The following PDE1C variants were observed in gnomAD, a reference collection of about 807,000 sequenced individuals.
PDE1C encodes the protein dual specificity calcium/calmodulin-dependent 3',5'-cyclic nucleotide phosphodiesterase 1C.
A neutral mutation model predicts 93.1 loss-of-function variants in PDE1C; 62 were observed. That is an observed-to-expected ratio of 0.67 (90% CI 0.54 to 0.82). The LOEUF is 0.82. Ranked by LOEUF, PDE1C falls within the 40% of genes least tolerant of loss-of-function variation. PDE1C has a pLI of 0.00. For synonymous variants in PDE1C, 325 were observed against 310.1 expected (o/e 1.05, Z -0.50); for missense variants, 742 against 884.6 (o/e 0.84, Z 2.04).
chr7:31,853,041 T>A lies in PDE1C; in HGVS notation c.751-2300A>T, dbSNP rs1793541217. 2.0e-5 allele frequency among the ~76,000 whole-genome samples: 3 copies of A among 151,560 alleles called. No homozygotes were observed. In the South Asian group the frequency reaches 6.2e-4, roughly 32 times the overall value. On this transcript the variant is annotated intron_variant, in intron 7 of 17. Coordinates refer to ENST00000396191, the MANE Select transcript of PDE1C (RefSeq NM_001191057.4). ...AGTGTAACATCTCAACGAATCCTAG[T>A]CACAGAACATCAGCCCAGGCAGCAG...
chr7:32,051,466 T>G, intron 2 of PDE1C, 88 bp downstream of exon 2: 2 of 1,237,146 alleles, frequency 1.6e-6, no homozygotes, highest in South Asian at 1.2e-5. Flanking sequence ...AGCCTGTTTA[T>G]TACAGTTCCA....
chr7:32,414,830 TAA>T (rs11438774), intron 1 of PDE1C, among the ~76,000 whole-genome samples: 2 of 138,792 alleles, frequency 1.4e-5, no homozygotes, highest in Admixed American at 7.0e-5. Context: ...ATGCCAATGA[TAA>T]AAAAAAAAAA....
At chr7:31,800,956 A>C (rs149968194) in intron 16 of PDE1C, among the ~76,000 whole-genome samples, 2,954 of 151,252 alleles carry the variant, frequency 0.02, 93 homozygotes, top group African/African-American at 0.067. Flanking sequence ...GCTGAATGTG[A>C]ATGAAAATGC....
chr7:32,405,667 C>A (rs917376286), intron 1 of PDE1C, among the ~76,000 whole-genome samples: 1 of 152,166 alleles, frequency 6.6e-6, no homozygotes, highest in African/African-American at 2.4e-5. Flanking sequence ...GAGGCTGAGG[C>A]CTTGTGTCCT....
At chr7:31,657,746 T>C in the PDE1C span, among the ~76,000 whole-genome samples, 2 of 152,174 alleles carry the variant, frequency 1.3e-5, no homozygotes, top group Non-Finnish European at 2.9e-5. Context: ...AGATCACATA[T>C]TTGAAAATAA....
chr7:32,072,685 T>G (rs1380810650), upstream of PDE1C, among the ~76,000 whole-genome samples: 1 of 152,238 alleles, frequency 6.6e-6, no homozygotes, highest in East Asian at 1.9e-4. Context: ...TCTACTCTCA[T>G]GTAATACTCG....
intron 1 of PDE1C, among the ~76,000 whole-genome samples, chr7:32,357,647 C>T (rs1362781908): frequency 1.3e-5 from 2 of 152,288 alleles, no homozygotes; most frequent in East Asian, 3.9e-4. Flanking sequence ...CCCTCAAACT[C>T]ACTGTAACAA....
chr7:32,135,535 TA>T (rs1340419407), intron 3 of PDE1C, among the ~76,000 whole-genome samples: 1 of 152,200 alleles, frequency 6.6e-6, no homozygotes, highest in East Asian at 1.9e-4. Context: ...TCAACATTAC[TA>T]ACCATCAGAG....
At chr7:32,290,489 C>T (rs1240860968) in intron 1 of PDE1C, among the ~76,000 whole-genome samples, 1 of 152,156 alleles carries the variant, frequency 6.6e-6, no homozygotes, top group East Asian at 1.9e-4. Flanking sequence ...CCTCTTGAAC[C>T]CTCCCAACAA....
At chr7:32,288,412 C>T (rs56387749) in intron 1 of PDE1C, among the ~76,000 whole-genome samples, 9,656 of 152,214 alleles carry the variant, frequency 0.063, 697 homozygotes, top group South Asian at 0.18. Context: ...TCACTAAGAC[C>T]AGGCTTACAG....
At chr7:31,870,351 T>C (rs1042005025) in intron 6 of PDE1C, among the ~76,000 whole-genome samples, 3 of 151,316 alleles carry the variant, frequency 2.0e-5, no homozygotes, top group African/African-American at 7.3e-5. Context: ...ATAAATAAAT[T>C]GCTAGCTAGA....
chr7:32,362,680 A>G (rs1368725342), intron 1 of PDE1C, among the ~76,000 whole-genome samples: 2 of 152,156 alleles, frequency 1.3e-5, no homozygotes, highest in Non-Finnish European at 2.9e-5. Context: ...CTTCTTGTAC[A>G]CACCCTCCTC....
intron 1 of PDE1C, among the ~76,000 whole-genome samples, chr7:32,057,172 T>TA (rs1446101752): frequency 6.6e-6 from 1 of 152,210 alleles, no homozygotes; most frequent in African/African-American, 2.4e-5. Context: ...AATAACTCCC[T>TA]AAAAACTGAG....
At chr7:31,744,533 T>A in the PDE1C span, among the ~76,000 whole-genome samples, 21 of 152,108 alleles carry the variant, frequency 1.4e-4, no homozygotes, top group African/African-American at 4.6e-4. Context: ...GTTGCTTGAG[T>A]ACATCAAATT....
chr7:31,737,772 G>A, the PDE1C span, among the ~76,000 whole-genome samples: 14 of 138,924 alleles, frequency 1.0e-4, no homozygotes, highest in Non-Finnish European at 1.6e-4. Context: ...TTGCACTCCA[G>A]CCTGGGTGAG....
rs188953507 is a variant in PDE1C, at chr7:31,922,413, G to C, written c.129-41553C>G. Among the ~76,000 whole-genome samples the C allele has an allele frequency of 3.9e-5, 6 of 152,226 alleles. No homozygotes were observed. In the East Asian group the frequency reaches 1.2e-3, roughly 29 times the overall value. On this transcript the variant is annotated intron_variant, in intron 2 of 17. Transcript: ENST00000396191. Reference sequence around the variant, plus strand: ...ATAGAGCTTTTATAGTTTTAATTCTGAATTTATATTCCAGAAATGTCAATC... The same window carrying C: ...ATAGAGCTTTTATAGTTTTAATTCTCAATTTATATTCCAGAAATGTCAATC...
At chr7:32,118,478 G>A (rs979134365) in intron 3 of PDE1C, among the ~76,000 whole-genome samples, 4 of 152,176 alleles carry the variant, frequency 2.6e-5, no homozygotes, top group Admixed American at 2.0e-4. Flanking sequence ...AAAATAAAAC[G>A]TGACCTTCCT....
intron 3 of PDE1C, among the ~76,000 whole-genome samples, chr7:32,140,403 C>T: frequency 6.6e-6 from 1 of 152,190 alleles, no homozygotes; most frequent in East Asian, 1.9e-4. Context: ...TCAGAGTGGC[C>T]TGTTTCCTGC....
At chr7:32,049,200 C>T (rs1793010071) in intron 2 of PDE1C, among the ~76,000 whole-genome samples, 1 of 152,154 alleles carries the variant, frequency 6.6e-6, no homozygotes, top group Non-Finnish European at 1.5e-5. Context: ...GTGAGTCCAA[C>T]GAACCTGAAC....
Sources: gnomAD v4.1 joint callset for allele counts (sites outside exome capture counted in the v4.1 genomes callset) on GRCh38, gnomAD v4.1.1 for gene constraint, MANE v1.5 for transcripts, NCBI Gene and HGNC (gene_info 2026-07-23, HGNC 2026-07-21) for gene names.